The following PLCB1 variants were observed in gnomAD, a reference collection of about 807,000 sequenced individuals.
PLCB1 encodes phospholipase C beta 1.
PLCB1 carries 46 observed loss-of-function variants against 161.8 expected under a neutral mutation model. The ratio of observed to expected loss-of-function variants is 0.28; its 90% confidence interval spans 0.22 to 0.36. PLCB1 has a LOEUF of 0.36. Ranked by LOEUF, PLCB1 falls within the 10% of genes least tolerant of loss-of-function variation. PLCB1 has a pLI of 1.00. For missense variants in PLCB1, 1,016 were observed against 1,472.5 expected (o/e 0.69, Z 5.07); for synonymous variants, 517 against 503.7 (o/e 1.03, Z -0.35).
chr20:8,411,602 A>G (rs1374980174), intron 3 of PLCB1, among the ~76,000 whole-genome samples: 1 of 152,184 alleles, frequency 6.6e-6, no homozygotes, highest in East Asian at 1.9e-4. Flanking sequence ...TGGGGTATAA[A>G]TATAGAGATC....
intron 31 of PLCB1, among the ~76,000 whole-genome samples, chr20:8,807,411 A>G (rs751821578): frequency 6.6e-6 from 1 of 152,190 alleles, no homozygotes; most frequent in Non-Finnish European, 1.5e-5. Flanking sequence ...CTTAATGATG[A>G]ATATTGATGT....
rs186119899 is a variant in PLCB1 at position 8,772,025 on chromosome 20, G to A, written c.2931-2514G>A. Among the ~76,000 whole-genome samples the A allele has an allele frequency of 1.0e-4, 15 of 149,676 alleles. No individual in the cohort carries two copies. In the East Asian group the frequency reaches 2.4e-3, roughly 24 times the overall value. On this transcript the variant is annotated intron_variant, in intron 26 of 31. Coordinates refer to ENST00000338037, the MANE Select transcript of PLCB1 (RefSeq NM_015192.4). ...GACTCCCGGGTAGCTGGAACTAGTCGCATGCCACTAGGCCCGGTTAATTTT... is the reference window on the plus strand; with the variant it reads ...GACTCCCGGGTAGCTGGAACTAGTCACATGCCACTAGGCCCGGTTAATTTT...
At chr20:8,408,364 G>C (rs1172614870) in intron 3 of PLCB1, among the ~76,000 whole-genome samples, 1 of 151,788 alleles carries the variant, frequency 6.6e-6, no homozygotes, top group African/African-American at 2.4e-5. Context: ...AGTACATGAG[G>C]ATCACACCTG....
intron 2 of PLCB1, among the ~76,000 whole-genome samples, chr20:8,272,036 A>G (rs555675174): frequency 6.6e-6 from 1 of 152,224 alleles, no homozygotes; most frequent in East Asian, 1.9e-4. Flanking sequence ...AGTATTATGC[A>G]TAGCATCACT....
intron 1 of PLCB1, among the ~76,000 whole-genome samples, chr20:8,134,728 G>A (rs1408862933): frequency 6.6e-6 from 1 of 151,980 alleles, no homozygotes; most frequent in Middle Eastern, 3.2e-3. Context: ...TAATAGAGAG[G>A]ACGTTAGTGA....
intron 4 of PLCB1, among the ~76,000 whole-genome samples, chr20:8,630,108 A>T (rs1219504853): frequency 5.3e-5 from 6 of 112,394 alleles, no homozygotes; most frequent in African/African-American, 7.0e-5. Context: ...ATGGAGTCTC[A>T]CTCTGTCGCC....
At chr20:8,415,600 G>A (rs1001477058) in intron 3 of PLCB1, among the ~76,000 whole-genome samples, 17 of 152,140 alleles carry the variant, frequency 1.1e-4, no homozygotes, top group Non-Finnish European at 2.1e-4. Context: ...CCACTGATAC[G>A]AACAACTGGG....
chr20:8,746,505 C>T (rs1035553012), intron 23 of PLCB1, among the ~76,000 whole-genome samples: 4 of 151,878 alleles, frequency 2.6e-5, no homozygotes, highest in African/African-American at 9.7e-5. Context: ...CTATGTTGAG[C>T]CCTTTATTTT....
At chr20:8,267,971 A>ATTATTATTC in intron 2 of PLCB1, among the ~76,000 whole-genome samples, 1 of 151,210 alleles carries the variant, frequency 6.6e-6, no homozygotes, top group East Asian at 1.9e-4. Flanking sequence ...TATTATTATT[A>ATTATTATTC]TTATTATTAT....
chr20:8,633,121 C>A (rs28716978), intron 4 of PLCB1, among the ~76,000 whole-genome samples: 2,861 of 151,120 alleles, frequency 0.019, 88 homozygotes, highest in African/African-American at 0.066. Context: ...CACACACACA[C>A]ACACACACAC....
At chr20:8,644,273 G>A (rs1471787826) in intron 4 of PLCB1, among the ~76,000 whole-genome samples, 4 of 151,784 alleles carry the variant, frequency 2.6e-5, no homozygotes, top group Admixed American at 2.6e-4. Flanking sequence ...GGGACATGAG[G>A]AGCCCCTCTG....
At chr20:8,266,149 C>T (rs564490097) in intron 2 of PLCB1, among the ~76,000 whole-genome samples, 2 of 152,282 alleles carry the variant, frequency 1.3e-5, no homozygotes, top group South Asian at 4.2e-4. Context: ...TGCTATGTAA[C>T]AAGCCATCCC....
chr20:8,516,553 A>G (rs1984123844), intron 3 of PLCB1, among the ~76,000 whole-genome samples: 1 of 151,630 alleles, frequency 6.6e-6, no homozygotes, highest in Non-Finnish European at 1.5e-5. Context: ...AAAGTCTCTG[A>G]GTTTATTTTC....
At chr20:8,229,519 T>C (rs1045394971) in intron 2 of PLCB1, among the ~76,000 whole-genome samples, 1 of 152,176 alleles carries the variant, frequency 6.6e-6, no homozygotes, top group African/African-American at 2.4e-5. Context: ...CTTAAATTCA[T>C]TAAAAATTCA....
chr20:8,655,186 ATTG>A (rs1394491377), intron 7 of PLCB1, among the ~76,000 whole-genome samples: 3 of 152,130 alleles, frequency 2.0e-5, no homozygotes, highest in African/African-American at 7.2e-5. Flanking sequence ...AGTAAAGCAT[ATTG>A]TTCTATCAAA....
intron 3 of PLCB1, among the ~76,000 whole-genome samples, chr20:8,425,641 A>G (rs1979734667): frequency 6.6e-6 from 1 of 152,190 alleles, no homozygotes. Flanking sequence ...AAGAAAGAAA[A>G]GAAAAAAATC....
chr20:8,343,939 C>T (rs1221953178), intron 2 of PLCB1, among the ~76,000 whole-genome samples: 1 of 152,194 alleles, frequency 6.6e-6, no homozygotes, highest in East Asian at 1.9e-4. Flanking sequence ...GGCTGACGTA[C>T]TCGTTGACAT....
chr20:8,230,903 C>T (rs988931286), intron 2 of PLCB1, among the ~76,000 whole-genome samples: 6 of 152,082 alleles, frequency 3.9e-5, no homozygotes, highest in African/African-American at 1.2e-4. Flanking sequence ...AGCCCCCAAA[C>T]CATGGTGCAC....
rs371653938 is a variant in PLCB1 at position 8,440,256 on chromosome 20, T to C, written c.246+68806T>C. Among the ~76,000 whole-genome samples, 68 of 152,330 alleles carry C rather than the reference T, an allele frequency of 4.5e-4. 1 individual carries two copies. The East Asian group carries it at 8.9e-3, about 20-fold the overall frequency. The stretch of plus-strand genomic sequence containing the variant: ...CTAAGGCTGGAAAATCATTTCAGTA[T>C]TATTAAGTATTCTGATGACAAAAAA... On this transcript the variant is annotated intron_variant, in intron 3 of 31. Coordinates refer to ENST00000338037, the MANE Select transcript of PLCB1 (RefSeq NM_015192.4).
Sources: allele counts gnomAD v4.1 joint callset (sites outside exome capture counted in the v4.1 genomes callset), GRCh38; gene constraint gnomAD v4.1.1; transcripts MANE v1.5; gene names NCBI Gene and HGNC (gene_info 2026-07-23, HGNC 2026-07-21).